The following GLIS3 variants were observed in gnomAD, a reference collection of about 807,000 sequenced individuals.
The protein encoded by GLIS3 is zinc finger protein GLIS3.
In GLIS3, 53 loss-of-function variants were observed where a neutral mutation model predicts 78.6. That is an observed-to-expected ratio of 0.67 (90% CI 0.54 to 0.85). The LOEUF (loss-of-function observed/expected upper bound fraction) is 0.85, where lower values mean the gene tolerates loss of function less well. Ranked by LOEUF, GLIS3 falls within the 40% of genes least tolerant of loss-of-function variation. The probability of loss-of-function intolerance (pLI) is 0.00; values close to 1 mark genes in which losing one functional copy is unlikely to be tolerated. For missense variants in GLIS3, 1,703 were observed against 1,231.1 expected, an observed-to-expected ratio of 1.38 and a Z score of -5.74; for synonymous variants, 684 against 509.9, an observed-to-expected ratio of 1.34 and a Z score of -4.60.
intron 3 of GLIS3, chr9:4,123,716 G>A: frequency 2.5e-6 from 1 of 396,968 alleles, no homozygotes; most frequent in East Asian, 3.6e-5. Flanking sequence ...GAAAGCCTAT[G>A]TTTATTGTAT....
intron 4 of GLIS3, among the ~76,000 whole-genome samples, chr9:4,006,254 T>C: frequency 6.6e-6 from 1 of 150,386 alleles, no homozygotes; most frequent in Non-Finnish European, 1.5e-5. Flanking sequence ...GAGAGCTCCT[T>C]TTACAGATTA....
intron 2 of GLIS3, among the ~76,000 whole-genome samples, chr9:4,164,267 C>T (rs1399668276): frequency 6.6e-6 from 1 of 152,198 alleles, no homozygotes; most frequent in Admixed American, 6.5e-5. Context: ...GAAAATTATA[C>T]AAACAGCCCC....
the GLIS3 span, among the ~76,000 whole-genome samples, chr9:4,404,256 C>G: frequency 6.6e-6 from 1 of 151,982 alleles, no homozygotes; most frequent in Non-Finnish European, 1.5e-5. Context: ...AGAAATAGGC[C>G]CAAATACAAT....
the GLIS3 span, among the ~76,000 whole-genome samples, chr9:4,371,767 C>T: frequency 6.6e-6 from 1 of 152,174 alleles, no homozygotes; most frequent in African/African-American, 2.4e-5. Flanking sequence ...AAGTGGGTCC[C>T]CATCTCCTAC....
chr9:4,348,528 G>A (rs1251240750), upstream of GLIS3: 2 of 152,200 alleles, frequency 1.3e-5, no homozygotes, highest in Non-Finnish European at 2.9e-5. Flanking sequence ...CCAGAACTCG[G>A]TCAATGGCCA....
chr9:4,246,088 T>G (rs992726796), intron 2 of GLIS3, among the ~76,000 whole-genome samples: 4 of 152,074 alleles, frequency 2.6e-5, no homozygotes, highest in Non-Finnish European at 4.4e-5. Context: ...TTAAAATACC[T>G]ATTTCAGGCC....
chr9:4,139,753 C>T (rs534681599), intron 2 of GLIS3, among the ~76,000 whole-genome samples: 3 of 152,274 alleles, frequency 2.0e-5, no homozygotes, highest in Non-Finnish European at 2.9e-5. Context: ...GTAAGGAGCA[C>T]GCAACCTAGA....
At chr9:4,472,015 A>G in the GLIS3 span, among the ~76,000 whole-genome samples, 4 of 152,382 alleles carry the variant, frequency 2.6e-5, no homozygotes, top group African/African-American at 9.6e-5. Context: ...AATGCTCATC[A>G]TCACTGGTCA....
intron 2 of GLIS3, among the ~76,000 whole-genome samples, chr9:4,179,905 G>T (rs905236321): frequency 1.8e-5 from 2 of 110,844 alleles, no homozygotes; most frequent in Admixed American, 1.9e-4. Flanking sequence ...GCGAGACTCT[G>T]TCTCAAAAAA....
intron 4 of GLIS3, among the ~76,000 whole-genome samples, chr9:4,307,488 T>A (rs1333328508): frequency 6.6e-6 from 1 of 152,016 alleles, no homozygotes; most frequent in Non-Finnish European, 1.5e-5. Flanking sequence ...CTCCTCTTAC[T>A]CTGTGAGGCT....
At chr9:4,337,413 G>A (rs1817770549) in intron 2 of GLIS3, among the ~76,000 whole-genome samples, 1 of 152,144 alleles carries the variant, frequency 6.6e-6, no homozygotes, top group African/African-American at 2.4e-5. Flanking sequence ...CATAGGAAAT[G>A]TTCATTTGAA....
At chr9:4,374,643 G>C in the GLIS3 span, among the ~76,000 whole-genome samples, 2 of 152,206 alleles carry the variant, frequency 1.3e-5, no homozygotes, top group East Asian at 3.9e-4. Flanking sequence ...AGGGCATCTT[G>C]TCTTCTCCAC....
At chr9:4,086,006 A>G (rs1828992109) in intron 4 of GLIS3, among the ~76,000 whole-genome samples, 1 of 152,176 alleles carries the variant, frequency 6.6e-6, no homozygotes, top group Non-Finnish European at 1.5e-5. Context: ...TCTAAAAGAC[A>G]GCTATGTTAA....
chr9:4,138,829 T>A (rs1175781942), intron 2 of GLIS3, among the ~76,000 whole-genome samples: 2 of 152,214 alleles, frequency 1.3e-5, no homozygotes, highest in Non-Finnish European at 2.9e-5. Flanking sequence ...CTCTATAAGC[T>A]GTAGGCATTC....
the GLIS3 span, among the ~76,000 whole-genome samples, chr9:4,430,353 G>C: frequency 6.7e-6 from 1 of 148,574 alleles, no homozygotes; most frequent in African/African-American, 2.6e-5. Flanking sequence ...CACTATATGG[G>C]TCACACATAA....
chr9:4,254,329 G>A (rs1484451113), intron 2 of GLIS3, among the ~76,000 whole-genome samples: 1 of 152,138 alleles, frequency 6.6e-6, no homozygotes, highest in Non-Finnish European at 1.5e-5. Context: ...AAACGTGTTG[G>A]ATCTGTCTGA....
At chr9:3,900,988 C>T (rs1189834608) in intron 6 of GLIS3, 1 of 152,220 alleles carries the variant, frequency 6.6e-6, no homozygotes, top group Non-Finnish European at 1.5e-5. Context: ...GAACTTGCAA[C>T]ATTCCACCAT....
the GLIS3 span, among the ~76,000 whole-genome samples, chr9:4,467,230 G>C: frequency 6.6e-6 from 1 of 152,200 alleles, no homozygotes; most frequent in Non-Finnish European, 1.5e-5. Context: ...ACAAAAGGTA[G>C]CAAAAACTTC....
At chr9:3,937,905 TTATC>T (rs1403512459) in intron 4 of GLIS3, among the ~76,000 whole-genome samples, 1 of 152,216 alleles carries the variant, frequency 6.6e-6, no homozygotes, top group Non-Finnish European at 1.5e-5. Context: ...AGACATTTCA[TTATC>T]TAATTCATGA....
Sources: allele counts gnomAD v4.1 joint callset (sites outside exome capture counted in the v4.1 genomes callset), GRCh38; gene constraint gnomAD v4.1.1; transcripts MANE v1.5; gene names NCBI Gene and HGNC (gene_info 2026-07-23, HGNC 2026-07-21).